Variants in NRK observed in about 807,000 individuals in gnomAD.
NRK encodes Nik related kinase.
A neutral mutation model predicts 125.2 loss-of-function variants in NRK; 67 were observed. That is an observed-to-expected ratio of 0.54 (90% confidence interval 0.44 to 0.66). The LOEUF is 0.66. Ranked by LOEUF, NRK falls within the 30% of genes least tolerant of loss-of-function variation. The probability of loss-of-function intolerance (pLI) is 0.00; values close to 1 mark genes in which losing one functional copy is unlikely to be tolerated. For missense variants in NRK, 1,224 were observed against 1,192.9 expected (o/e 1.03, Z -0.38); for synonymous variants, 458 against 429.0 (o/e 1.07, Z -0.84).
intron 2 of NRK, among the ~76,000 whole-genome samples, chrX:105,843,993 GTGTGTGTGTGTGTGTGTGTGTGTGTC>G (rs1441164383): frequency 1.1e-5 from 1 of 87,524 alleles, no homozygotes; most frequent in Non-Finnish European, 2.1e-5. Context: ...GTGTGTGTGT[GTGTGTGTGTGTGTGTGTGTGTGTGTC>G]TGTGTGTGTG....
intron 2 of NRK, among the ~76,000 whole-genome samples, chrX:105,866,532 G>T (rs761926860): frequency 9.0e-6 from 1 of 111,548 alleles, no homozygotes; most frequent in African/African-American, 3.3e-5. Context: ...CAAAGAATCC[G>T]TATCCTATAG....
chrX:105,829,898 A>G (rs1431401171), intron 1 of NRK, among the ~76,000 whole-genome samples: 1 of 111,032 alleles, frequency 9.0e-6, no homozygotes, highest in Non-Finnish European at 1.9e-5. Context: ...GGTTGGTGCA[A>G]AAGTAATTAC....
chrX:105,861,058 T>C (rs1314072121), intron 2 of NRK, among the ~76,000 whole-genome samples: 1 of 111,326 alleles, frequency 9.0e-6, no homozygotes, highest in Non-Finnish European at 1.9e-5. Context: ...TGCAAGACTG[T>C]TTTCCACCAT....
intron 2 of NRK, among the ~76,000 whole-genome samples, chrX:105,836,669 T>C (rs928359152): frequency 2.7e-5 from 3 of 111,895 alleles, no homozygotes; most frequent in Non-Finnish European, 5.7e-5. Context: ...TAGACAAACA[T>C]GTAGATATAC....
At chrX:105,890,054 T>A (rs2147720726) in intron 5 of NRK, among the ~76,000 whole-genome samples, 1 of 112,097 alleles carries the variant, frequency 8.9e-6, no homozygotes, top group African/African-American at 3.2e-5. Flanking sequence ...TTTTCCAAAC[T>A]TTTATGCTCT....
intron 1 of NRK, 80 bp downstream of exon 1, chrX:105,822,982 C>G (rs959316930): frequency 1.2e-4 from 105 of 901,902 alleles, no homozygotes; most frequent in Non-Finnish European, 1.6e-4. Context: ...AGCGGACGCC[C>G]TCAAAACGGG....
intron 7 of NRK, 43 bp downstream of exon 7, chrX:105,895,566 T>A: frequency 9.8e-6 from 8 of 814,959 alleles, no homozygotes; most frequent in Non-Finnish European, 1.5e-5. Context: ...AACATCTTAA[T>A]GGAGAAAGCT....
Position 105,955,794 on chromosome X carries a change from T to G in NRK, c.*194T>G, listed in dbSNP as rs2040969111. The G allele has an allele frequency of 8.3e-6, 3 of 362,567 alleles. No individual in the cohort carries two copies. Among genetic ancestry groups the G allele is most frequent in the African/African-American group, 2.5e-5 (1 of 39,268 alleles). 29.9% of individuals were successfully genotyped at this position (362,567 alleles called of 1,213,427 possible). A position where few individuals can be genotyped will look rare whatever the true frequency, so the allele number is the denominator to read the frequency against. On this transcript the variant is annotated 3_prime_UTR_variant, in exon 29 of 29. Coordinates refer to ENST00000243300, the MANE Select transcript of NRK (RefSeq NM_198465.4). ...GTATAAAATTAACTATAGCAAGCTC[T>G]AGGTACTCCAATGGTGTACAATGTC...
intron 2 of NRK, among the ~76,000 whole-genome samples, chrX:105,840,342 A>T (rs1398249145): frequency 8.9e-6 from 1 of 111,953 alleles, no homozygotes; most frequent in African/African-American, 3.2e-5. Flanking sequence ...ATTGGGAAGT[A>T]ATTCAAATTA....
intron 2 of NRK, among the ~76,000 whole-genome samples, chrX:105,857,876 T>TTC (rs1230472127): frequency 9.1e-6 from 1 of 110,313 alleles, no homozygotes; most frequent in Non-Finnish European, 1.9e-5. Flanking sequence ...ACTTTTTTCC[T>TTC]TCTCTCTCTC....
chrX:105,914,333 T>A (rs2040338363), intron 14 of NRK, among the ~76,000 whole-genome samples: 1 of 111,103 alleles, frequency 9.0e-6, no homozygotes, highest in Non-Finnish European at 1.9e-5. Flanking sequence ...AGAGGCAATA[T>A]GTCTTTTTCT....
intron 16 of NRK, among the ~76,000 whole-genome samples, chrX:105,918,577 G>A (rs1186970745): frequency 9.0e-6 from 1 of 111,358 alleles, no homozygotes; most frequent in Non-Finnish European, 1.9e-5. Flanking sequence ...ATACTATGTT[G>A]TGAAAATTAG....
intron 2 of NRK, among the ~76,000 whole-genome samples, chrX:105,875,643 ATTAT>A (rs1179598504): frequency 9.1e-6 from 1 of 110,173 alleles, no homozygotes; most frequent in Non-Finnish European, 1.9e-5. Context: ...TAACTGAATT[ATTAT>A]TTATTATTAT....
rs1274824870 is a variant in NRK at position 105,866,342 on chromosome X, A to G, written c.124-13857A>G. 6.3e-5 allele frequency among the ~76,000 whole-genome samples: 7 copies of G among 111,012 alleles called. No homozygotes were observed. The South Asian group carries it at 1.5e-3, about 23-fold the overall frequency. ...TGGCAAAAACCTCCATAAGAATGCA[A>G]TTAGCAAGCTTGGACCCATGGAAAT... On this transcript the variant is annotated intron_variant, in intron 2 of 28. Coordinates refer to ENST00000243300, the MANE Select transcript of NRK (RefSeq NM_198465.4).
intron 16 of NRK, among the ~76,000 whole-genome samples, chrX:105,919,572 C>T (rs1255625297): frequency 1.8e-5 from 2 of 111,683 alleles, no homozygotes; most frequent in African/African-American, 6.5e-5. Context: ...TGTTAATGGA[C>T]AGTTCAGATA....
Position 105,953,021 on chromosome X carries a change from A to G in NRK, c.4514-13A>G. ...TTTTGTGTTTTTCTGATTTTTTTTC[A>G]TTTGTATTGTAGCTTTTGAATGTAC... On this transcript the variant is annotated splice_polypyrimidine_tract_variant and intron_variant, in intron 27 of 28. Transcript: ENST00000243300. 1 of 1,100,285 alleles carries G rather than the reference A, an allele frequency of 9.1e-7. No homozygotes were observed. Among genetic ancestry groups the G allele is most frequent in the Non-Finnish European group, 1.2e-6 (1 of 831,472 alleles). The allele number at this position is 1,100,285 out of a possible 1,213,427, so 90.7% of individuals were successfully genotyped here. A position where few individuals can be genotyped will look rare whatever the true frequency, so the allele number is the denominator to read the frequency against.
chrX:105,908,739 C>T lies in NRK; in HGVS notation c.1098C>T (p.Cys366=), dbSNP rs1221668213. The T allele has an allele frequency of 1.7e-6, 2 of 1,192,858 alleles. No individual in the cohort carries two copies. Among genetic ancestry groups the T allele is most frequent in the Non-Finnish European group, 2.3e-6 (2 of 884,557 alleles). The change falls in exon 13 of 29, where the codon TGC becomes TGT. Residue 366 remains cysteine (C), a synonymous_variant. Transcript: ENST00000243300. ...GTGTTTATTTTAGAGGACCCTCTTG[C>T]ACTCACGAGCTTCTGAGATTGCCAA... ...YTVRRFRGPS[C]THELLRLPTS...
chrX:105,892,647 T>G (rs1487432412), intron 5 of NRK, among the ~76,000 whole-genome samples: 1 of 111,864 alleles, frequency 8.9e-6, no homozygotes, highest in African/African-American at 3.2e-5. Context: ...GTACATGTTG[T>G]GCCCATTCAA....
intron 19 of NRK, among the ~76,000 whole-genome samples, chrX:105,932,527 A>G (rs1341575412): frequency 8.9e-6 from 1 of 112,788 alleles, no homozygotes; most frequent in Non-Finnish European, 1.9e-5. Context: ...TGCTACATCA[A>G]TAGAAATTAT....
Sources: gnomAD v4.1 joint callset for allele counts (sites outside exome capture counted in the v4.1 genomes callset) on GRCh38, gnomAD v4.1.1 for gene constraint, MANE v1.5 for transcripts, NCBI Gene and HGNC (gene_info 2026-07-23, HGNC 2026-07-21) for gene names.